Variants in KCND2 observed in about 807,000 individuals in gnomAD.
The protein encoded by KCND2 is A-type voltage-gated potassium channel KCND2.
Under a neutral mutation model 54.4 loss-of-function variants are expected in KCND2, and 16 were observed. The ratio of observed to expected loss-of-function variants is 0.29; its 90% CI spans 0.20 to 0.45. The LOEUF (loss-of-function observed/expected upper bound fraction) is 0.45. Ranked by LOEUF, KCND2 falls within the 20% of genes least tolerant of loss-of-function variation. The pLI is 1.00. For missense variants in KCND2, 486 were observed against 824.2 expected (o/e 0.59, Z 5.02); for synonymous variants, 317 against 310.7 (o/e 1.02, Z -0.21).
intron 1 of KCND2, among the ~76,000 whole-genome samples, chr7:120,382,812 A>G (rs946201183): frequency 1.3e-5 from 2 of 151,812 alleles, no homozygotes; most frequent in African/African-American, 2.4e-5. Flanking sequence ...CTCTTTGATT[A>G]TGTTTTAGAT....
intron 1 of KCND2, among the ~76,000 whole-genome samples, chr7:120,550,421 C>T (rs73721419): frequency 0.088 from 13,396 of 151,994 alleles, 680 homozygotes; most frequent in African/African-American, 0.096. Context: ...TGCCCATCAC[C>T]CCATTTCATA....
chr7:120,361,450 T>C (rs1800591871), intron 1 of KCND2, among the ~76,000 whole-genome samples: 1 of 151,968 alleles, frequency 6.6e-6, no homozygotes, highest in Non-Finnish European at 1.5e-5. Flanking sequence ...CATAAGTCAA[T>C]TTCTCAGTAG....
At chr7:120,661,067 A>G (rs1791859747) in intron 1 of KCND2, among the ~76,000 whole-genome samples, 1 of 152,144 alleles carries the variant, frequency 6.6e-6, no homozygotes. Context: ...AGTACCCATC[A>G]CCAGAATAGT....
chr7:120,670,441 G>A (rs941296703), intron 1 of KCND2, among the ~76,000 whole-genome samples: 1 of 152,042 alleles, frequency 6.6e-6, no homozygotes, highest in African/African-American at 2.4e-5. Flanking sequence ...TGGAGAAGGG[G>A]TGGGCTTTCA....
chr7:120,422,799 G>A (rs1801645860), intron 1 of KCND2, among the ~76,000 whole-genome samples: 1 of 152,098 alleles, frequency 6.6e-6, no homozygotes, highest in Non-Finnish European at 1.5e-5. Context: ...TATTTTTCTT[G>A]TACCCATTAA....
In KCND2 at chr7:120,481,054, G is replaced by T. The variant is rs139907729; in HGVS notation, c.1115+205307G>T. Among the ~76,000 whole-genome samples, 1,110 of 152,324 alleles carry T rather than the reference G, an allele frequency of 7.3e-3. 7 individuals are homozygous for T. Among genetic ancestry groups the T allele is most frequent in the Non-Finnish European group, 9.7e-3 (660 of 68,026 alleles). ...CTTCTTAGAGATTACTTAAGTGGTTGTGAACACAATGCTGGTAGAACGCCA... is the reference window on the plus strand; with the variant it reads ...CTTCTTAGAGATTACTTAAGTGGTTTTGAACACAATGCTGGTAGAACGCCA... On this transcript the variant is annotated intron_variant, in intron 1 of 5. Transcript: ENST00000331113.
chr7:120,709,634 C>T (rs1792514493), intron 1 of KCND2, among the ~76,000 whole-genome samples: 2 of 152,130 alleles, frequency 1.3e-5, no homozygotes, highest in African/African-American at 4.8e-5. Context: ...AGTAAGAAAA[C>T]ATGTGTTAAG....
At chr7:120,293,146 T>G (rs1412617437) in intron 1 of KCND2, among the ~76,000 whole-genome samples, 1 of 151,998 alleles carries the variant, frequency 6.6e-6, no homozygotes, top group African/African-American at 2.4e-5. Context: ...CTTGTAAATT[T>G]CATTCCATGA....
chr7:120,484,360 G>T (rs1249159675), intron 1 of KCND2, among the ~76,000 whole-genome samples: 1 of 152,038 alleles, frequency 6.6e-6, no homozygotes, highest in Non-Finnish European at 1.5e-5. Flanking sequence ...CCACTGTGCT[G>T]CTCAGGCTGG....
chr7:120,365,050 G>C (rs779256265), intron 1 of KCND2, among the ~76,000 whole-genome samples: 1 of 151,946 alleles, frequency 6.6e-6, no homozygotes, highest in Non-Finnish European at 1.5e-5. Flanking sequence ...TGCATTTAAA[G>C]ACATTAATAA....
chr7:120,344,669 A>G (rs1800288273), intron 1 of KCND2, among the ~76,000 whole-genome samples: 1 of 152,210 alleles, frequency 6.6e-6, no homozygotes, highest in African/African-American at 2.4e-5. Context: ...TCAAGTCAAC[A>G]AAGAAAAATA....
chr7:120,370,883 GA>G (rs1445335018), intron 1 of KCND2, among the ~76,000 whole-genome samples: 3 of 151,902 alleles, frequency 2.0e-5, no homozygotes, highest in Non-Finnish European at 4.4e-5. Context: ...TCTTTACAAG[GA>G]AAAAAATAAC....
intron 1 of KCND2, among the ~76,000 whole-genome samples, chr7:120,595,903 G>A (rs1188569723): frequency 6.6e-6 from 1 of 151,528 alleles, no homozygotes; most frequent in African/African-American, 2.4e-5. Context: ...GGGAGGGAGG[G>A]AGGCAGGCAG....
intron 1 of KCND2, among the ~76,000 whole-genome samples, chr7:120,572,109 C>G (rs941523699): frequency 6.6e-6 from 1 of 151,156 alleles, no homozygotes; most frequent in African/African-American, 2.4e-5. Context: ...TTGATCCTTG[C>G]CATGTAAGTT....
At chr7:120,668,431 A>C (rs1440500604) in intron 1 of KCND2, among the ~76,000 whole-genome samples, 1 of 152,100 alleles carries the variant, frequency 6.6e-6, no homozygotes, top group Admixed American at 6.5e-5. Context: ...ACTTTATAAC[A>C]ACAGGCCTTT....
intron 1 of KCND2, among the ~76,000 whole-genome samples, chr7:120,646,607 A>G (rs1048978073): frequency 6.6e-6 from 1 of 152,242 alleles, no homozygotes; most frequent in Non-Finnish European, 1.5e-5. Flanking sequence ...GGTTAGATGA[A>G]TGGACAAATG....
chr7:120,576,328 C>T (rs1358238834), intron 1 of KCND2, among the ~76,000 whole-genome samples: 1 of 152,156 alleles, frequency 6.6e-6, no homozygotes, highest in African/African-American at 2.4e-5. Flanking sequence ...AAATATTTTA[C>T]AGTGCCATAC....
At chr7:120,621,568 A>G (rs1218629258) in intron 1 of KCND2, among the ~76,000 whole-genome samples, 1 of 152,144 alleles carries the variant, frequency 6.6e-6, no homozygotes, top group Non-Finnish European at 1.5e-5. Context: ...TAAGCTTTTA[A>G]TTTTTTAAAA....
At chr7:120,306,270 A>G (rs1381615884) in intron 1 of KCND2, among the ~76,000 whole-genome samples, 1 of 152,064 alleles carries the variant, frequency 6.6e-6, no homozygotes. Flanking sequence ...TTATGACCAT[A>G]TTTCTCTTTA....
Sources: gnomAD v4.1 joint callset for allele counts (sites outside exome capture counted in the v4.1 genomes callset) on GRCh38, gnomAD v4.1.1 for gene constraint, MANE v1.5 for transcripts, NCBI Gene and HGNC (gene_info 2026-07-23, HGNC 2026-07-21) for gene names.